HELQ: variants seen among roughly 807,000 people sequenced by gnomAD.
The protein encoded by HELQ is helicase, POLQ like, also known as helicase POLQ-like.
A neutral mutation model predicts 111.6 loss-of-function variants in HELQ; 77 were observed. The observed-to-expected ratio is 0.69, with a 90% CI of 0.57 to 0.83. The LOEUF (loss-of-function observed/expected upper bound fraction) is 0.83, where lower values mean the gene tolerates loss of function less well. Ranked by LOEUF, HELQ falls within the 40% of genes least tolerant of loss-of-function variation. The pLI is 0.00. For synonymous variants in HELQ, 438 were observed against 454.7 expected (o/e 0.96, Z 0.47); for missense variants, 1,200 against 1,288.5 (o/e 0.93, Z 1.05).
rs142407776 is a variant in HELQ, at chr4:83,455,486, C to A, written c.208G>T (p.Asp70Tyr). The A allele has an allele frequency of 1.2e-6, 2 of 1,614,218 alleles. No homozygotes were observed. Among genetic ancestry groups the A allele is most frequent in the Non-Finnish European group, 1.7e-6 (2 of 1,180,052 alleles). Reference sequence around the variant, plus strand: ...CCAAGGACGAGACATTCCGGGGAATCTGAGAGTAGAAGGGGCTGTACCTCA... The same window carrying A: ...CCAAGGACGAGACATTCCGGGGAATATGAGAGTAGAAGGGGCTGTACCTCA... ...PVEVQPLLLS[D>Y]SPECLVLGGG... Residue 70 changes from aspartate to tyrosine, a missense_variant, in exon 1 of 18, where the codon GAT becomes TAT. Asp to Tyr is a radical substitution (Grantham distance 160). Transcript: ENST00000295488.
chr4:83,440,155 A>G lies in HELQ; in HGVS notation c.1663-147T>C. On this transcript the variant is annotated intron_variant, in intron 7 of 17. Coordinates refer to ENST00000295488, the MANE Select transcript of HELQ (RefSeq NM_133636.5). The stretch of plus-strand genomic sequence containing the variant: ...ATCTGATCATTTAAAAGAAAAGATG[A>G]AATCTATATTAAACATCAAAATGTT... The G allele has an allele frequency of 8.2e-6, 5 of 607,778 alleles. 1 individual carries two copies. The South Asian group carries it at 1.2e-4, about 15-fold the overall frequency. The allele number at this position is 607,778 out of a possible 1,614,324, so 37.6% of individuals were successfully genotyped here.
intron 7 of HELQ, 42 bp downstream of exon 7, chr4:83,441,262 CA>C: frequency 9.0e-7 from 1 of 1,115,518 alleles, no homozygotes; most frequent in Non-Finnish European, 1.3e-6. Flanking sequence ...GTGCCCCAGA[CA>C]CAAAGTCTGG....
Position 83,429,549 on chromosome 4 carries a change from T to C in HELQ, c.2493A>G (p.Thr831=), listed in dbSNP as rs1720030040. 1 of 1,608,220 alleles carries C rather than the reference T, an allele frequency of 6.2e-7. No individual in the cohort carries two copies. The highest frequency in any genetic ancestry group is 8.5e-7 in the Non-Finnish European group (1 of 1,176,586). The change falls in exon 12 of 18, where the codon ACA becomes ACG. Residue 831 remains threonine (T), a synonymous_variant. Coordinates refer to ENST00000295488, the MANE Select transcript of HELQ (RefSeq NM_133636.5). ...CCTTAAATGAAGCACGTCCCAACTT[T>C]GTAATATGAAAATTATATTGGACCT... ...EEEVQYNFHI[T]KLGRASFKGT...
intron 2 of HELQ, among the ~76,000 whole-genome samples, chr4:83,451,998 T>A (rs1721404721): frequency 6.6e-6 from 1 of 152,236 alleles, no homozygotes; most frequent in African/African-American, 2.4e-5. Context: ...ACTTACGAAG[T>A]GGAAGGTTGA....
At chr4:83,434,466 A>G (rs1720339117) in intron 9 of HELQ, among the ~76,000 whole-genome samples, 1 of 149,386 alleles carries the variant, frequency 6.7e-6, no homozygotes, top group Non-Finnish European at 1.5e-5. Flanking sequence ...ATCAGTTAAA[A>G]ACTCATTTTT....
rs751099862 is a variant in HELQ, at chr4:83,437,101, T to C, written c.1809-4A>G. 1.2e-6 allele frequency: 2 copies of C among 1,611,818 alleles called. No individual in the cohort carries two copies. Among genetic ancestry groups the C allele is most frequent in the South Asian group, 1.1e-5 (1 of 90,764 alleles). ...CTCCTTATGTTTCAGATATTCCCTA[T>C]GAAAAAGATCTGTTAGAAATATGAG... On this transcript the variant is annotated splice_polypyrimidine_tract_variant and splice_region_variant and intron_variant, in intron 8 of 17. Coordinates refer to ENST00000295488, the MANE Select transcript of HELQ (RefSeq NM_133636.5).
intron 15 of HELQ, among the ~76,000 whole-genome samples, chr4:83,420,710 G>A (rs111729028): frequency 0.12 from 18,971 of 151,956 alleles, 1,540 homozygotes; most frequent in African/African-American, 0.22. Context: ...GCATGAACTC[G>A]GGAGGCGGGG....
At position 83,425,977 on chromosome 4, in the gene HELQ, A is replaced by G; in HGVS notation, c.2775+17T>C. The stretch of plus-strand genomic sequence containing the variant: ...TGAGTGAACTTATTATTTAGGAAGA[A>G]AAAAAGAATGTGGTACCTTTCCGAT... On this transcript the variant is annotated intron_variant, in intron 14 of 17. Coordinates refer to ENST00000295488, the MANE Select transcript of HELQ (RefSeq NM_133636.5). The G allele has an allele frequency of 7.0e-7, 1 of 1,430,650 alleles. No individual in the cohort carries two copies. Among genetic ancestry groups the G allele is most frequent in the Non-Finnish European group, 9.8e-7 (1 of 1,022,200 alleles). 88.6% of individuals were successfully genotyped at this position (1,430,650 alleles called of 1,614,324 possible). A position where few individuals can be genotyped will look rare whatever the true frequency, so the allele number is the denominator to read the frequency against.
chr4:83,423,358 G>A (rs1209422125), intron 14 of HELQ, among the ~76,000 whole-genome samples: 1 of 151,980 alleles, frequency 6.6e-6, no homozygotes, highest in Non-Finnish European at 1.5e-5. Flanking sequence ...GAGAACTTAC[G>A]GTGACAAATT....
At position 83,426,096 on chromosome 4, in the gene HELQ, C is replaced by A; in HGVS notation, c.2677-4G>T. 1 of 1,538,826 alleles carries A rather than the reference C, an allele frequency of 6.5e-7. No homozygotes were observed. Among genetic ancestry groups the A allele is most frequent in the Non-Finnish European group, 8.9e-7 (1 of 1,119,274 alleles). On this transcript the variant is annotated splice_region_variant and splice_polypyrimidine_tract_variant and intron_variant, in intron 13 of 17. Coordinates refer to ENST00000295488, the MANE Select transcript of HELQ (RefSeq NM_133636.5). ...CTGCTGGACTGAGTTGGCTAAACTA[C>A]ATGGAAAAAGAGCAAATAGATGGAA...
intron 14 of HELQ, among the ~76,000 whole-genome samples, chr4:83,423,034 T>G (rs1193156836): frequency 2.0e-5 from 3 of 152,210 alleles, no homozygotes; most frequent in African/African-American, 7.2e-5. Context: ...TGGTGCCTGA[T>G]GACCACATTT....
chr4:83,409,537 G>C (rs987087772), intron 17 of HELQ, among the ~76,000 whole-genome samples: 3 of 150,960 alleles, frequency 2.0e-5, no homozygotes, highest in Admixed American at 6.6e-5. Context: ...CTGGGCAAGA[G>C]AGCGATACTC....
At chr4:83,438,308 T>C (rs1720568006) in intron 8 of HELQ, among the ~76,000 whole-genome samples, 1 of 152,206 alleles carries the variant, frequency 6.6e-6, no homozygotes, top group South Asian at 2.1e-4. Context: ...GAACTGTTAG[T>C]AGTTAAAGTA....
intron 9 of HELQ, among the ~76,000 whole-genome samples, chr4:83,432,931 G>A (rs1720234633): frequency 6.6e-6 from 1 of 151,972 alleles, no homozygotes; most frequent in Non-Finnish European, 1.5e-5. Context: ...ATGGTAGTGT[G>A]CCCCTGTAGT....
chr4:83,415,931 G>A (rs965915072), intron 17 of HELQ, among the ~76,000 whole-genome samples: 1 of 147,140 alleles, frequency 6.8e-6, no homozygotes, highest in African/African-American at 2.6e-5. Context: ...ATAGGTGTGA[G>A]CCACCGAACC....
At chr4:83,432,660 C>A (rs560991896) in intron 9 of HELQ, among the ~76,000 whole-genome samples, 106 of 152,228 alleles carry the variant, frequency 7.0e-4, no homozygotes, top group Middle Eastern at 3.4e-3. Flanking sequence ...AAAAATATGA[C>A]CATACACCAC....
intron 17 of HELQ, among the ~76,000 whole-genome samples, chr4:83,413,659 T>C (rs1376294649): frequency 6.6e-6 from 1 of 152,136 alleles, no homozygotes; most frequent in Non-Finnish European, 1.5e-5. Flanking sequence ...GCAGCGGAAA[T>C]GACACTGTAT....
At chr4:83,422,902 TA>T (rs1719619625) in intron 14 of HELQ, among the ~76,000 whole-genome samples, 1 of 152,214 alleles carries the variant, frequency 6.6e-6, no homozygotes, top group South Asian at 2.1e-4. Context: ...GTCTATATTA[TA>T]AACTAAGAGT....
At chr4:83,438,300 A>G (rs1204229451) in intron 8 of HELQ, among the ~76,000 whole-genome samples, 1 of 152,230 alleles carries the variant, frequency 6.6e-6, no homozygotes, top group East Asian at 1.9e-4. Context: ...AAAAAACTGA[A>G]CTGTTAGTAG....
Sources: gnomAD v4.1 joint callset for allele counts (sites outside exome capture counted in the v4.1 genomes callset) on GRCh38, gnomAD v4.1.1 for gene constraint, MANE v1.5 for transcripts, NCBI Gene and HGNC (gene_info 2026-07-23, HGNC 2026-07-21) for gene names.